The following CSMD3 variants were observed in gnomAD, a reference collection of about 807,000 sequenced individuals.
CSMD3 encodes CUB and sushi domain-containing protein 3.
CSMD3 carries 177 observed loss-of-function variants against 435.2 expected under a neutral mutation model. The observed-to-expected ratio is 0.41, with a 90% confidence interval of 0.36 to 0.46. CSMD3 has a LOEUF of 0.46. Among genes scored for constraint, CSMD3 ranks in the 20% least tolerant of loss-of-function variants. CSMD3 has a pLI of 0.34. For missense variants in CSMD3, 4,265 were observed against 4,504.6 expected (o/e 0.95, Z 1.52); for synonymous variants, 1,656 against 1,520.5 (o/e 1.09, Z -2.07).
At chr8:113,425,727 G>A (rs992156670) in intron 1 of CSMD3, among the ~76,000 whole-genome samples, 11 of 151,374 alleles carry the variant, frequency 7.3e-5, no homozygotes, top group African/African-American at 1.5e-4. Flanking sequence ...ATTTAAAGAC[G>A]AAAGTTTTTT....
chr8:112,730,621 T>C (rs527356439), intron 13 of CSMD3, among the ~76,000 whole-genome samples: 8 of 152,260 alleles, frequency 5.3e-5, no homozygotes, highest in Admixed American at 1.3e-4. Context: ...CTGATGTTGA[T>C]ATGGGAAAAC....
intron 5 of CSMD3, among the ~76,000 whole-genome samples, chr8:113,092,348 T>C (rs762750748): frequency 3.3e-5 from 5 of 152,066 alleles, no homozygotes; most frequent in Non-Finnish European, 5.9e-5. Context: ...CTAGTGAGTA[T>C]TCATTATACA....
intron 13 of CSMD3, among the ~76,000 whole-genome samples, chr8:112,747,727 G>A (rs2077466383): frequency 6.6e-6 from 1 of 152,238 alleles, no homozygotes; most frequent in African/African-American, 2.4e-5. Context: ...TGTAATCCCA[G>A]CACTTTGGGA....
intron 40 of CSMD3, among the ~76,000 whole-genome samples, chr8:112,348,325 G>A (rs1467002175): frequency 6.6e-6 from 1 of 152,086 alleles, no homozygotes; most frequent in Non-Finnish European, 1.5e-5. Context: ...ATCAACTTCT[G>A]TTTTTTCATC....
intron 38 of CSMD3, among the ~76,000 whole-genome samples, chr8:112,370,486 C>A (rs1052025141): frequency 6.6e-6 from 1 of 152,120 alleles, no homozygotes; most frequent in African/African-American, 2.4e-5. Context: ...GGCTTATAAG[C>A]CCCACTTACT....
At chr8:112,896,998 TGCA>T (rs1273336664) in intron 10 of CSMD3, among the ~76,000 whole-genome samples, 4 of 151,442 alleles carry the variant, frequency 2.6e-5, no homozygotes, top group Non-Finnish European at 5.9e-5. Context: ...TTCCTCCAGC[TGCA>T]GATTTTGCAC....
At chr8:113,365,505 T>C (rs905006551) in intron 1 of CSMD3, among the ~76,000 whole-genome samples, 3 of 152,044 alleles carry the variant, frequency 2.0e-5, no homozygotes, top group Non-Finnish European at 4.4e-5. Context: ...AGAATGAAAC[T>C]CAGAACTTAA....
intron 58 of CSMD3, 41 bp downstream of exon 58, chr8:112,287,023 A>G (rs1186877991): frequency 6.5e-7 from 1 of 1,527,324 alleles, no homozygotes; most frequent in Non-Finnish European, 9.1e-7. Context: ...ACACACTAAA[A>G]TCCAGTAGTT....
chr8:113,170,077 A>G lies in CSMD3; in HGVS notation c.709+3645T>C, dbSNP rs939700746. Among the ~76,000 whole-genome samples the G allele has an allele frequency of 3.9e-5, 6 of 152,170 alleles. No homozygotes were observed. In the East Asian group the frequency reaches 5.8e-4, roughly 15 times the overall value. Reference sequence around the variant, plus strand: ...AGCATCAAAAGAACTCTCTACAAGCAAAGGTTTCATCAAGGAGAGACTCTA... The same window carrying G: ...AGCATCAAAAGAACTCTCTACAAGCGAAGGTTTCATCAAGGAGAGACTCTA... On this transcript the variant is annotated intron_variant, in intron 4 of 70. Coordinates refer to ENST00000297405, the MANE Select transcript of CSMD3 (RefSeq NM_198123.2).
rs543491326 is a variant in CSMD3, at chr8:112,654,619, T to C, written c.3004+1535A>G. On this transcript the variant is annotated intron_variant, in intron 18 of 70. Transcript: ENST00000297405. ...TGAAGGTATGCATTTGAGCAGGACTTCTTATTTTTATTCCTTATCTGACTA... is the reference window on the plus strand; with the variant it reads ...TGAAGGTATGCATTTGAGCAGGACTCCTTATTTTTATTCCTTATCTGACTA... Among the ~76,000 whole-genome samples the C allele has an allele frequency of 2.6e-5, 4 of 152,306 alleles. No individual in the cohort carries two copies. The South Asian group carries it at 8.3e-4, about 32-fold the overall frequency.
chr8:113,001,898 T>G (rs2085878263), intron 6 of CSMD3, among the ~76,000 whole-genome samples: 1 of 152,050 alleles, frequency 6.6e-6, no homozygotes. Context: ...ACATTGTTAG[T>G]AAACTTTTGT....
At chr8:113,298,366 C>T (rs2093738144) in intron 2 of CSMD3, among the ~76,000 whole-genome samples, 1 of 151,904 alleles carries the variant, frequency 6.6e-6, no homozygotes, top group Admixed American at 6.6e-5. Context: ...TAGTGGGATT[C>T]ATTTTATAAC....
chr8:113,036,857 C>T (rs1260576570), intron 5 of CSMD3, among the ~76,000 whole-genome samples: 1 of 152,020 alleles, frequency 6.6e-6, no homozygotes, highest in Non-Finnish European at 1.5e-5. Flanking sequence ...AAAATTCCCT[C>T]GTTTTCTCAC....
At position 112,314,533 on chromosome 8, in the gene CSMD3, T is replaced by C. The variant is rs2130837312; in HGVS notation, c.7445A>G (p.Gln2482Arg). 2.5e-6 allele frequency: 4 copies of C among 1,612,044 alleles called. No individual in the cohort carries two copies. The highest frequency in any genetic ancestry group is 3.4e-6 in the Non-Finnish European group (4 of 1,178,250). Reference sequence around the variant, plus strand: ...CACTGAAATGCTCCATGCACACATTTGAAGATTTGGGTAACTGTCAGGATA... The same window carrying C: ...CACTGAAATGCTCCATGCACACATTCGAAGATTTGGGTAACTGTCAGGATA... ...PGYPDSYPNL[Q>R]MCAWSISVEK... is the part of the protein sequence containing the mutation. The change falls in exon 48 of 71, where the codon CAA (glutamine) becomes CGA (arginine). Residue 2482 changes from glutamine (Q) to arginine (R), a missense_variant. Coordinates refer to ENST00000297405, the MANE Select transcript of CSMD3 (RefSeq NM_198123.2).
intron 3 of CSMD3, among the ~76,000 whole-genome samples, chr8:113,206,789 A>T (rs538739267): frequency 6.6e-6 from 1 of 152,158 alleles, no homozygotes; most frequent in Non-Finnish European, 1.5e-5. Context: ...AATGTATTCA[A>T]TTATTTCTCT....
At position 113,140,539 on chromosome 8, in the gene CSMD3, A is replaced by G. The variant is rs555249080; in HGVS notation, c.709+33183T>C. 2.0e-5 allele frequency among the ~76,000 whole-genome samples: 3 copies of G among 151,196 alleles called. No homozygotes were observed. In the East Asian group the frequency reaches 5.8e-4, roughly 29 times the overall value. Reference sequence around the variant, plus strand: ...CAACAAAACACAACTAACTTAAAATATTTAACATTATATAGAATTTATCTG... The same window carrying G: ...CAACAAAACACAACTAACTTAAAATGTTTAACATTATATAGAATTTATCTG... On this transcript the variant is annotated intron_variant, in intron 4 of 70. Coordinates refer to ENST00000297405, the MANE Select transcript of CSMD3 (RefSeq NM_198123.2).
intron 38 of CSMD3, among the ~76,000 whole-genome samples, chr8:112,372,770 C>A (rs578042789): frequency 7.9e-5 from 12 of 151,400 alleles, no homozygotes; most frequent in Non-Finnish European, 1.6e-4. Context: ...AATTGCTTGA[C>A]CCTGAGAGGC....
At chr8:112,697,117 A>C (rs1236824220) in intron 13 of CSMD3, among the ~76,000 whole-genome samples, 4 of 151,804 alleles carry the variant, frequency 2.6e-5, no homozygotes, top group East Asian at 3.9e-4. Flanking sequence ...GAACACTTTT[A>C]CACTGTTGGT....
At chr8:113,284,208 A>G (rs900732177) in intron 2 of CSMD3, among the ~76,000 whole-genome samples, 1 of 151,774 alleles carries the variant, frequency 6.6e-6, no homozygotes, top group African/African-American at 2.4e-5. Flanking sequence ...ACCAAATACC[A>G]CCTGTACCCC....
Sources: gnomAD v4.1 joint callset for allele counts (sites outside exome capture counted in the v4.1 genomes callset) on GRCh38, gnomAD v4.1.1 for gene constraint, MANE v1.5 for transcripts, NCBI Gene and HGNC (gene_info 2026-07-23, HGNC 2026-07-21) for gene names.